Variants in DRC8 observed in about 807,000 individuals in gnomAD.
DRC8 encodes dynein regulatory complex protein 8.
At chr1:245,020,613 C>CTT in the DRC8 span, among the ~76,000 whole-genome samples, 1,487 of 59,684 alleles carry the variant, frequency 0.025, 76 homozygotes, top group East Asian at 0.18. Context: ...GTTTTTCTTT[C>CTT]TTTTTTTTTT....
the DRC8 span, chr1:245,083,546 CAT>C: frequency 1.9e-6 from 3 of 1,579,988 alleles, no homozygotes; most frequent in African/African-American, 1.4e-5. Context: ...TACATACACA[CAT>C]ATATGAAAAA....
At chr1:245,090,747 A>G in the DRC8 span, among the ~76,000 whole-genome samples, 2 of 149,864 alleles carry the variant, frequency 1.3e-5, no homozygotes, top group South Asian at 4.2e-4. Context: ...TGTCCTACTC[A>G]TGGCCTAGAG....
At chr1:245,007,776 AG>A in the DRC8 span, among the ~76,000 whole-genome samples, 81,830 of 151,566 alleles carry the variant, frequency 0.54, 23,950 homozygotes, top group East Asian at 0.75. Context: ...TCCCTGAGAT[AG>A]GTAAGCCACG....
At chr1:244,979,252 A>AATCAAAG in the DRC8 span, among the ~76,000 whole-genome samples, 3 of 146,880 alleles carry the variant, frequency 2.0e-5, no homozygotes, top group African/African-American at 7.5e-5. Flanking sequence ...CTGAATGTTG[A>AATCAAAG]ATCAAAGTTG....
At chr1:245,060,267 GTT>G in the DRC8 span, among the ~76,000 whole-genome samples, 1 of 152,196 alleles carries the variant, frequency 6.6e-6, no homozygotes, top group Non-Finnish European at 1.5e-5. Flanking sequence ...CTTAACCCCT[GTT>G]GAGTGTCAGT....
the DRC8 span, among the ~76,000 whole-genome samples, chr1:245,102,895 C>G: frequency 8.5e-3 from 1,186 of 139,886 alleles, 18 homozygotes; most frequent in African/African-American, 0.031. Flanking sequence ...GTGAGGCTGA[C>G]GAGGATGAGA....
chr1:244,996,383 A>G, the DRC8 span, among the ~76,000 whole-genome samples: 223 of 152,198 alleles, frequency 1.5e-3, 1 homozygote, highest in African/African-American at 5.0e-3. Flanking sequence ...TGTATTGTGA[A>G]AGGGGACTGC....
the DRC8 span, among the ~76,000 whole-genome samples, chr1:245,004,963 A>G: frequency 6.6e-6 from 1 of 152,184 alleles, no homozygotes; most frequent in Non-Finnish European, 1.5e-5. Context: ...CACTATTCCT[A>G]GTTTTCCGAG....
the DRC8 span, among the ~76,000 whole-genome samples, chr1:245,088,587 G>T: frequency 2.0e-5 from 3 of 152,366 alleles, no homozygotes; most frequent in Admixed American, 1.3e-4. This position sits in a 1 kb window ranked among gnomAD's most constrained non-coding sequence, Gnocchi z 4.6. Context: ...AGGGAAGCCT[G>T]CAAGGCAGTC....
chr1:245,029,586 A>G, the DRC8 span, among the ~76,000 whole-genome samples: 2 of 146,450 alleles, frequency 1.4e-5, no homozygotes, highest in Non-Finnish European at 3.0e-5. Flanking sequence ...GGTGTGAGCC[A>G]CTGTGCCCAG....
the DRC8 span, among the ~76,000 whole-genome samples, chr1:244,971,350 G>A: frequency 6.6e-6 from 1 of 152,240 alleles, no homozygotes; most frequent in East Asian, 1.9e-4. Flanking sequence ...CTGCAGAGGC[G>A]GGACTGCGCT....
At chr1:245,085,685 G>A in the DRC8 span, among the ~76,000 whole-genome samples, 35 of 152,300 alleles carry the variant, frequency 2.3e-4, no homozygotes, top group Middle Eastern at 3.4e-3. Flanking sequence ...TGACTCACAT[G>A]GTGTGTGAGT....
the DRC8 span, among the ~76,000 whole-genome samples, chr1:244,973,606 C>G: frequency 1.3e-5 from 2 of 152,208 alleles, no homozygotes; most frequent in Non-Finnish European, 2.9e-5. Context: ...ATACATTCTT[C>G]TATTCCATCT....
the DRC8 span, among the ~76,000 whole-genome samples, chr1:245,094,143 T>A: frequency 6.6e-6 from 1 of 152,148 alleles, no homozygotes; most frequent in African/African-American, 2.4e-5. Context: ...TAGAGGTAAG[T>A]CTATTTTCCA....
At chr1:244,970,967 G>T in the DRC8 span, 1 of 169,266 alleles carries the variant, frequency 5.9e-6, no homozygotes, top group Non-Finnish European at 1.3e-5. Flanking sequence ...GTGGGCCCCG[G>T]GGGGTGGCCT....
the DRC8 span, among the ~76,000 whole-genome samples, chr1:245,035,617 A>G: frequency 6.6e-6 from 1 of 152,234 alleles, no homozygotes; most frequent in Non-Finnish European, 1.5e-5. Flanking sequence ...CTGTAATTCC[A>G]GCACTTTGGG....
At chr1:245,084,191 C>T in the DRC8 span, among the ~76,000 whole-genome samples, 1 of 150,066 alleles carries the variant, frequency 6.7e-6, no homozygotes, top group Non-Finnish European at 1.5e-5. Flanking sequence ...AAGTGATTCT[C>T]CTGCCTCAGC....
the DRC8 span, chr1:244,970,151 G>T: frequency 1.5e-6 from 1 of 685,490 alleles, no homozygotes; most frequent in Non-Finnish European, 2.7e-6. Context: ...GTCCGGCTCC[G>T]GCCTCGGGTC....
At chr1:245,000,120 A>G in the DRC8 span, among the ~76,000 whole-genome samples, 8 of 152,360 alleles carry the variant, frequency 5.3e-5, no homozygotes, top group African/African-American at 1.7e-4. Context: ...CACCCGGCCA[A>G]TAAAGTTTAA....
Sources: gnomAD v4.1 joint callset for allele counts (sites outside exome capture counted in the v4.1 genomes callset) on GRCh38, gnomAD v4.1.1 for gene constraint, Gnocchi (gnomAD v3.1) non-coding constraint, MANE v1.5 for transcripts, NCBI Gene and HGNC (gene_info 2026-07-23, HGNC 2026-07-21) for gene names.